The following POM121 variants were observed in gnomAD, a reference collection of about 807,000 sequenced individuals.
POM121 encodes POM121 transmembrane nucleoporin, also known as nuclear envelope pore membrane protein POM 121.
POM121 carries 32 observed loss-of-function variants against 81.3 expected under a neutral mutation model. The observed-to-expected ratio is 0.39, with a 90% CI of 0.30 to 0.53. The LOEUF (loss-of-function observed/expected upper bound fraction) is 0.53. Ranked by LOEUF, POM121 falls within the 20% of genes least tolerant of loss-of-function variation. POM121 has a pLI of 0.66. For missense variants in POM121, 1,138 were observed against 1,614.6 expected, an observed-to-expected ratio of 0.70 and a Z score of 5.06; for synonymous variants, 514 against 694.2, an observed-to-expected ratio of 0.74 and a Z score of 4.08.
chr7:72,907,486 A>G (rs576710927), intron 3 of POM121, among the ~76,000 whole-genome samples: 89 of 151,780 alleles, frequency 5.9e-4, no homozygotes, highest in Middle Eastern at 3.4e-3. Flanking sequence ...TTTTCTTCTG[A>G]AAAAAAATCT....
chr7:72,949,215 C>T, downstream of POM121: 1 of 944,780 alleles, frequency 1.1e-6, no homozygotes, highest in Middle Eastern at 2.1e-4. Context: ...GGGTCCCAAG[C>T]CCATTAAAGT....
At chr7:72,895,925 AAATCT>A (rs1272373148) in intron 3 of POM121, among the ~76,000 whole-genome samples, 6 of 130,882 alleles carry the variant, frequency 4.6e-5, no homozygotes, top group African/African-American at 2.8e-4. Flanking sequence ...TAAATCAATC[AAATCT>A]ATCATTTACC....
At chr7:72,918,768 T>C (rs1794526599) in intron 4 of POM121, among the ~76,000 whole-genome samples, 2 of 152,060 alleles carry the variant, frequency 1.3e-5, no homozygotes. Flanking sequence ...ATGTGACCTT[T>C]TCTCTGCACG....
chr7:72,905,679 G>A (rs527891909), intron 3 of POM121, among the ~76,000 whole-genome samples: 20 of 152,312 alleles, frequency 1.3e-4, no homozygotes, highest in South Asian at 8.3e-4. Context: ...CAGCCTGGGC[G>A]ACAGAGCGAG....
At chr7:72,895,483 C>G (rs1554491590) in intron 3 of POM121, among the ~76,000 whole-genome samples, 1 of 152,208 alleles carries the variant, frequency 6.6e-6, no homozygotes, top group Non-Finnish European at 1.5e-5. Context: ...CACTGCTCTT[C>G]CCTGGCCCCT....
At chr7:72,918,628 A>G (rs1309265821) in intron 4 of POM121, among the ~76,000 whole-genome samples, 5 of 152,168 alleles carry the variant, frequency 3.3e-5, no homozygotes, top group African/African-American at 1.2e-4. Flanking sequence ...ATTTTATTAT[A>G]CTGGAACAGC....
intron 5 of POM121, among the ~76,000 whole-genome samples, chr7:72,931,835 T>C (rs2129578500): frequency 6.6e-6 from 1 of 152,320 alleles, no homozygotes; most frequent in Non-Finnish European, 1.5e-5. Flanking sequence ...CCTCCCAAAG[T>C]GCTGGGATTA....
Position 72,926,343 on chromosome 7 carries a change from G to T in POM121, c.726G>T (p.Leu242=), listed in dbSNP as rs781943722. The T allele has an allele frequency of 6.2e-6, 10 of 1,612,914 alleles. No individual in the cohort carries two copies. The highest frequency in any genetic ancestry group is 1.3e-5 in the African/African-American group (1 of 74,876). Residue 242 remains leucine (L), a synonymous_variant, in exon 2 of 13, where the codon CTG becomes CTT. Transcript: ENST00000434423. ...TCCATCAGGCCCAGTATTCCTGTCT[G>T]GGGGTACTTCCCACCGTGTGCTGGA... ...YPIHQAQYSC[L]GVLPTVCWNG...
intron 4 of POM121, among the ~76,000 whole-genome samples, chr7:72,916,311 AT>A (rs1199219849): frequency 6.6e-6 from 1 of 152,162 alleles, no homozygotes; most frequent in Non-Finnish European, 1.5e-5. Context: ...TGGATTTTAC[AT>A]TTAAGTCTTT....
upstream of POM121, among the ~76,000 whole-genome samples, chr7:72,920,519 T>C (rs1794712722): frequency 6.6e-6 from 1 of 151,892 alleles, no homozygotes. Flanking sequence ...CACGCCCAGC[T>C]GATTTTTTGT....
intron 3 of POM121, among the ~76,000 whole-genome samples, chr7:72,895,895 C>T (rs1468451562): frequency 6.6e-6 from 1 of 150,424 alleles, no homozygotes; most frequent in Non-Finnish European, 1.5e-5. Context: ...GGTGACAGAG[C>T]AAGACTGTCT....
chr7:72,906,703 G>A (rs1237938564), intron 3 of POM121, among the ~76,000 whole-genome samples: 2 of 152,112 alleles, frequency 1.3e-5, no homozygotes, highest in Non-Finnish European at 2.9e-5. Context: ...GCTTACTGCA[G>A]CCTTGACCTC....
chr7:72,925,318 G>C lies in POM121; in HGVS notation c.197G>C (p.Trp66Ser). 6.5e-7 allele frequency: 1 copy of C among 1,534,558 alleles called. No homozygotes were observed. Among genetic ancestry groups the C allele is most frequent in the Non-Finnish European group, 8.7e-7 (1 of 1,146,586 alleles). ...CTGACCGTGGGGGCTACCGCGGCCT[G>C]GTGGGGACTGAGCCGCGAGCCCCGA... is the stretch of plus-strand genomic sequence containing the variant. Reference protein sequence around the residue: ...AWLTVGATAAWWGLSREPRGS... With the variant: ...AWLTVGATAASWGLSREPRGS... Residue 66 changes from tryptophan to serine, a missense_variant, in exon 1 of 13, where the codon TGG becomes TCG. Trp to Ser is a radical substitution (Grantham distance 177, BLOSUM62 -3). Around this residue, in one of 7 missense-constraint regions of POM121, gnomAD observed 646 missense variants for 633.5 expected, o/e 1.02. Coordinates refer to ENST00000434423, the MANE Select transcript of POM121 (RefSeq NM_001387691.1).
At chr7:72,882,966 T>C (rs1260015411) in intron 1 of POM121, among the ~76,000 whole-genome samples, 1 of 152,216 alleles carries the variant, frequency 6.6e-6, no homozygotes, top group Admixed American at 6.5e-5. Context: ...GGAGTCTCTC[T>C]TTTCTTGGCT....
In POM121 at chr7:72,945,647, C is replaced by G; in HGVS notation, c.3591C>G (p.Ser1197Arg). 6.2e-7 allele frequency: 1 copy of G among 1,613,174 alleles called. No homozygotes were observed. The highest frequency in any genetic ancestry group is 8.5e-7 in the Non-Finnish European group (1 of 1,179,484). The change falls in exon 12 of 13, where the codon AGC becomes AGG. Residue 1197 changes from serine to arginine, a missense_variant. By Grantham distance (110) the Ser-to-Arg change is moderately radical (BLOSUM62 -1). This residue lies in a region of POM121 where 336 missense variants were observed against 344.3 expected (regional missense o/e 0.98). Transcript: ENST00000434423. ...TPAPGVGTSG[S>R]SLSFGASSAP... ...CGCCTGGAGTGGGCACATCAGGCAGCAGCCTCTCCTTTGGGGCATCCTCAG... is the reference window on the plus strand; with the variant it reads ...CGCCTGGAGTGGGCACATCAGGCAGGAGCCTCTCCTTTGGGGCATCCTCAG...
intron 1 of POM121, among the ~76,000 whole-genome samples, chr7:72,889,704 A>G (rs1366449070): frequency 6.6e-6 from 1 of 152,132 alleles, no homozygotes; most frequent in African/African-American, 2.4e-5. Context: ...TTTAGCAGAG[A>G]TAAGGTTCTT....
rs1278485798 is a variant in POM121, at chr7:72,946,324, G to T, written c.*90G>T. On this transcript the variant is annotated 3_prime_UTR_variant, in exon 13 of 13. Transcript: ENST00000434423. ...AAGAGCCTTGGACCCTTCCAGTTGC[G>T]TAAAGCAAACCTACCCCGGATCTCT... The T allele has an allele frequency of 2.0e-6, 3 of 1,521,106 alleles. No individual in the cohort carries two copies. The highest frequency in any genetic ancestry group is 2.8e-5 in the African/African-American group (2 of 71,328). The allele number at this position is 1,521,106 out of a possible 1,614,324, so 94.2% of individuals were successfully genotyped here.
At chr7:72,949,073 C>G (rs185443744), downstream of POM121, 2 of 1,613,178 alleles carry the variant, frequency 1.2e-6, no homozygotes, top group Non-Finnish European at 1.7e-6. Context: ...GTCCCTGCCC[C>G]GGGCTCCTCC....
At chr7:72,933,371 A>G (rs1182379139) in intron 5 of POM121, among the ~76,000 whole-genome samples, 1 of 152,044 alleles carries the variant, frequency 6.6e-6, no homozygotes, top group Non-Finnish European at 1.5e-5. Context: ...AAAGGTATCT[A>G]ATTTTTGTCT....
Sources: gnomAD v4.1 joint callset for allele counts (sites outside exome capture counted in the v4.1 genomes callset) on GRCh38, gnomAD v4.1.1 for gene constraint, gnomAD v4.1.1 regional missense constraint, MANE v1.5 for transcripts, NCBI Gene and HGNC (gene_info 2026-07-23, HGNC 2026-07-21) for gene names.